The following BNC2 variants were observed in gnomAD, a reference collection of about 807,000 sequenced individuals.
BNC2 encodes basonuclin zinc finger protein 2, also known as zinc finger protein basonuclin-2.
A neutral mutation model predicts 76.3 loss-of-function variants in BNC2; 20 were observed. The observed-to-expected ratio is 0.26, with a 90% confidence interval of 0.18 to 0.38. BNC2 has a LOEUF of 0.38. BNC2 is among the 10% of genes least tolerant of loss of function. The pLI is 1.00. For missense variants in BNC2, 1,382 were observed against 1,399.8 expected, an observed-to-expected ratio of 0.99 and a Z score of 0.20; for synonymous variants, 582 against 514.8, an observed-to-expected ratio of 1.13 and a Z score of -1.77.
intron 3 of BNC2, among the ~76,000 whole-genome samples, chr9:16,663,424 G>A (rs1357324088): frequency 6.6e-6 from 1 of 151,958 alleles, no homozygotes; most frequent in East Asian, 1.9e-4. Flanking sequence ...TACCATGCCT[G>A]GCCCACTCTG....
chr9:16,827,595 T>C (rs753456531), intron 1 of BNC2, among the ~76,000 whole-genome samples: 6 of 152,178 alleles, frequency 3.9e-5, no homozygotes. Flanking sequence ...TTGTTCATGG[T>C]GACTTAAGTG....
intron 1 of BNC2, among the ~76,000 whole-genome samples, chr9:16,770,161 T>C (rs1406903080): frequency 6.6e-6 from 1 of 152,044 alleles, no homozygotes; most frequent in African/African-American, 2.4e-5. Flanking sequence ...ACCTGGAAGG[T>C]ATGGGCCAAA....
At chr9:16,447,859 T>A (rs1772305188) in intron 5 of BNC2, among the ~76,000 whole-genome samples, 1 of 152,116 alleles carries the variant, frequency 6.6e-6, no homozygotes, top group Non-Finnish European at 1.5e-5. Context: ...TCTTTGCAGC[T>A]CCAAAAACTA....
At chr9:16,803,969 G>A (rs534634258) in intron 1 of BNC2, among the ~76,000 whole-genome samples, 67 of 152,186 alleles carry the variant, frequency 4.4e-4, no homozygotes, top group African/African-American at 1.5e-3. Flanking sequence ...CAGTGCTCAA[G>A]GTGCAGCTTT....
chr9:16,848,295 G>T (rs140781462), intron 1 of BNC2, among the ~76,000 whole-genome samples: 1 of 152,166 alleles, frequency 6.6e-6, no homozygotes, highest in Non-Finnish European at 1.5e-5. Flanking sequence ...AAATTCCATC[G>T]ATGAAGTCAG....
chr9:16,754,512 A>G (rs974751439), intron 1 of BNC2, among the ~76,000 whole-genome samples: 1 of 152,074 alleles, frequency 6.6e-6, no homozygotes, highest in Admixed American at 6.6e-5. Context: ...CCCACCCCAT[A>G]TTTCATTTTC....
chr9:16,596,817 T>C (rs1408045887), intron 3 of BNC2, among the ~76,000 whole-genome samples: 1 of 152,130 alleles, frequency 6.6e-6, no homozygotes, highest in African/African-American at 2.4e-5. Context: ...TGGTTGTAGA[T>C]TAATTTTTTA....
chr9:16,808,774 A>T (rs1404995599), intron 1 of BNC2, among the ~76,000 whole-genome samples: 1 of 151,892 alleles, frequency 6.6e-6, no homozygotes, highest in Non-Finnish European at 1.5e-5. Context: ...AAGATCTAAA[A>T]CCTGGGTAGC....
At chr9:16,478,553 G>A (rs904306019) in intron 5 of BNC2, among the ~76,000 whole-genome samples, 1 of 152,100 alleles carries the variant, frequency 6.6e-6, no homozygotes, top group African/African-American at 2.4e-5. Context: ...TTTTTTAGAT[G>A]TAATCTATAA....
At chr9:16,757,557 C>G (rs1825421205) in intron 1 of BNC2, among the ~76,000 whole-genome samples, 1 of 152,200 alleles carries the variant, frequency 6.6e-6, no homozygotes, top group Admixed American at 6.5e-5. Flanking sequence ...AACACACTTA[C>G]ATTCCTACAT....
At chr9:16,429,292 G>A (rs779942904) in intron 6 of BNC2, 2 of 152,108 alleles carry the variant, frequency 1.3e-5, no homozygotes, top group African/African-American at 4.8e-5. Context: ...AGACAAAACG[G>A]AACTTACCTG....
chr9:16,533,978 A>G (rs1818059053), intron 5 of BNC2, among the ~76,000 whole-genome samples: 1 of 147,102 alleles, frequency 6.8e-6, no homozygotes. Context: ...TCTGACTTCT[A>G]AAATTCGTTT....
At chr9:16,823,294 T>C (rs142800036) in intron 1 of BNC2, among the ~76,000 whole-genome samples, 5 of 152,196 alleles carry the variant, frequency 3.3e-5, no homozygotes, top group East Asian at 3.9e-4. Flanking sequence ...AATAGTTCTA[T>C]AGTGACATGT....
chr9:16,666,621 A>G (rs963805556), intron 3 of BNC2, among the ~76,000 whole-genome samples: 1 of 152,244 alleles, frequency 6.6e-6, no homozygotes, highest in Non-Finnish European at 1.5e-5. Flanking sequence ...AGCTTTCATT[A>G]CTGAGACTCA....
At chr9:16,559,566 A>C (rs910298310) in intron 4 of BNC2, among the ~76,000 whole-genome samples, 1 of 152,248 alleles carries the variant, frequency 6.6e-6, no homozygotes, top group Non-Finnish European at 1.5e-5. Context: ...ATAAATAGTC[A>C]ATATGAAACC....
At chr9:16,454,862 T>C (rs947308274) in intron 5 of BNC2, among the ~76,000 whole-genome samples, 10 of 152,366 alleles carry the variant, frequency 6.6e-5, no homozygotes, top group Non-Finnish European at 1.3e-4. Flanking sequence ...TAAATATTCA[T>C]CTTTCTGAAA....
At chr9:16,590,191 T>C (rs1046934255) in intron 3 of BNC2, among the ~76,000 whole-genome samples, 1 of 152,138 alleles carries the variant, frequency 6.6e-6, no homozygotes, top group East Asian at 1.9e-4. Flanking sequence ...GAAGAAATTT[T>C]TTTTTAATTT....
intron 4 of BNC2, among the ~76,000 whole-genome samples, chr9:16,580,689 G>A (rs1437873779): frequency 2.0e-5 from 3 of 152,132 alleles, no homozygotes; most frequent in Non-Finnish European, 4.4e-5. Context: ...GGCTACCATA[G>A]TAGATAGATA....
At chr9:16,770,204 T>C (rs559293733) in intron 1 of BNC2, among the ~76,000 whole-genome samples, 13 of 152,198 alleles carry the variant, frequency 8.5e-5, no homozygotes, top group East Asian at 5.8e-4. Flanking sequence ...CACCCAGAGA[T>C]ACAGGAGAGT....
Sources: allele counts gnomAD v4.1 joint callset (sites outside exome capture counted in the v4.1 genomes callset), GRCh38; gene constraint gnomAD v4.1.1; transcripts MANE v1.5; gene names NCBI Gene and HGNC (gene_info 2026-07-23, HGNC 2026-07-21).